TNFRSF11A: variants seen among roughly 807,000 people sequenced by gnomAD.
The protein encoded by TNFRSF11A is tumor necrosis factor receptor superfamily member 11A.
A neutral mutation model predicts 55.7 loss-of-function variants in TNFRSF11A; 32 were observed. The ratio of observed to expected loss-of-function variants is 0.57; its 90% CI spans 0.43 to 0.77. TNFRSF11A has a LOEUF of 0.77. Ranked by LOEUF, TNFRSF11A falls within the 30% of genes least tolerant of loss-of-function variation. The probability of loss-of-function intolerance (pLI) is 0.00; values close to 1 mark genes in which losing one functional copy is unlikely to be tolerated. For missense variants in TNFRSF11A, 753 were observed against 809.8 expected (o/e 0.93, Z 0.85); for synonymous variants, 311 against 331.0 (o/e 0.94, Z 0.65).
intron 1 of TNFRSF11A, among the ~76,000 whole-genome samples, chr18:62,326,824 C>T (rs2046082697): frequency 6.6e-6 from 1 of 152,152 alleles, no homozygotes; most frequent in Non-Finnish European, 1.5e-5. Flanking sequence ...ATTTCCAATT[C>T]TAGGGGAGCG....
At chr18:62,365,054 G>A (rs1168354290) in intron 7 of TNFRSF11A, among the ~76,000 whole-genome samples, 4 of 152,044 alleles carry the variant, frequency 2.6e-5, no homozygotes, top group Non-Finnish European at 5.9e-5. Flanking sequence ...CCTCCCTCCC[G>A]GGCTCAAACA....
intron 1 of TNFRSF11A, among the ~76,000 whole-genome samples, chr18:62,327,779 G>T (rs548052770): frequency 1.3e-5 from 2 of 152,142 alleles, no homozygotes; most frequent in Non-Finnish European, 2.9e-5. Context: ...TATTAAATAG[G>T]TTCAAACTTA....
At chr18:62,349,482 A>G (rs917664546) in intron 2 of TNFRSF11A, among the ~76,000 whole-genome samples, 1 of 152,162 alleles carries the variant, frequency 6.6e-6, no homozygotes, top group Non-Finnish European at 1.5e-5. Flanking sequence ...TGCCTGGCCC[A>G]TCATTCTATT....
intron 9 of TNFRSF11A, among the ~76,000 whole-genome samples, chr18:62,384,343 C>T (rs529417843): frequency 1.4e-5 from 2 of 141,946 alleles, no homozygotes; most frequent in South Asian, 4.9e-4. Flanking sequence ...CCTCCTCTTC[C>T]CCTCCTTTAC....
At chr18:62,340,647 G>T (rs541508906) in intron 1 of TNFRSF11A, among the ~76,000 whole-genome samples, 1 of 151,938 alleles carries the variant, frequency 6.6e-6, no homozygotes, top group South Asian at 2.1e-4. Context: ...CAAGAGCTAT[G>T]TGTAAAATAT....
At chr18:62,342,539 A>G (rs1241441139) in intron 1 of TNFRSF11A, among the ~76,000 whole-genome samples, 1 of 151,202 alleles carries the variant, frequency 6.6e-6, no homozygotes, top group African/African-American at 2.4e-5. Flanking sequence ...ACTCCTGGTT[A>G]TGAATGTTTT....
Position 62,325,453 on chromosome 18 carries a change from C to A in TNFRSF11A, c.75+26C>A. 8.1e-7 allele frequency: 1 copy of A among 1,240,100 alleles called. No homozygotes were observed. Among genetic ancestry groups the A allele is most frequent in the South Asian group, 1.9e-5 (1 of 53,634 alleles). The allele number at this position is 1,240,100 out of a possible 1,614,324, so 76.8% of individuals were successfully genotyped here. ...GTAAGGAGCGCCCGCGCCTGCCGGG[C>A]CGCGCGGCCCGACGCCTCCTCGGGA... is the stretch of plus-strand genomic sequence containing the variant. On this transcript the variant is annotated intron_variant, in intron 1 of 9. Coordinates refer to ENST00000586569, the MANE Select transcript of TNFRSF11A (RefSeq NM_003839.4). This position sits in a 1 kb window ranked among gnomAD's most constrained non-coding sequence, Gnocchi z 4.7.
chr18:62,339,952 A>G (rs756082884), intron 1 of TNFRSF11A, among the ~76,000 whole-genome samples: 1 of 152,010 alleles, frequency 6.6e-6, no homozygotes, highest in Non-Finnish European at 1.5e-5. Context: ...AGTGCTTTTA[A>G]GTTGGAGTTT....
In TNFRSF11A at chr18:62,385,005, G is replaced by T. The variant is rs772167170; in HGVS notation, c.1822G>T (p.Val608Leu). 4.7e-6 allele frequency: 7 copies of T among 1,482,700 alleles called. No homozygotes were observed. The African/African-American group carries it at 8.8e-5, about 19-fold the overall frequency. The allele number at this position is 1,482,700 out of a possible 1,614,324, so 91.8% of individuals were successfully genotyped here. ...GGAGCCGGAGAAGGCCTCGAGGCCG[G>T]TGCAGGAGCAAGGCGGGGCCAAGGC... ...LREPEKASRPVQEQGGAKA is the reference protein window; with the variant it reads ...LREPEKASRPLQEQGGAKA The change falls in exon 10 of 10, where the codon GTG becomes TTG. Residue 608 changes from valine to leucine, a missense_variant. Val to Leu is a conservative substitution (Grantham distance 32). Coordinates refer to ENST00000586569, the MANE Select transcript of TNFRSF11A (RefSeq NM_003839.4).
intron 6 of TNFRSF11A, among the ~76,000 whole-genome samples, chr18:62,360,552 T>C (rs1295405540): frequency 6.6e-6 from 1 of 152,104 alleles, no homozygotes; most frequent in Non-Finnish European, 1.5e-5. Context: ...GTTCAAGCGA[T>C]TCTCCTGCCT....
At chr18:62,376,387 G>T (rs1439964065) in intron 9 of TNFRSF11A, among the ~76,000 whole-genome samples, 2 of 151,756 alleles carry the variant, frequency 1.3e-5, no homozygotes, top group African/African-American at 2.4e-5. Context: ...AGGCAAGAGG[G>T]GAGGGACAAG....
intron 4 of TNFRSF11A, chr18:62,358,022 C>A: frequency 1.8e-6 from 1 of 543,500 alleles, no homozygotes; most frequent in South Asian, 2.0e-5. Context: ...CCTTTCTGAG[C>A]GTGGTTCCAT....
In TNFRSF11A at chr18:62,369,313, C is replaced by T. The variant is rs376539154; in HGVS notation, c.1396C>T (p.Arg466Cys). 3.5e-5 allele frequency: 57 copies of T among 1,610,388 alleles called. No individual in the cohort carries two copies. The East Asian group carries it at 3.6e-4, about 10-fold the overall frequency. ...DCEPLVGSPK[R>C]GPLPQCAYGM... Reference sequence around the variant, plus strand: ...TGAACCCCTCGTGGGTTCCCCAAAACGTGGACCCTTGCCCCAGTGCGCCTA... The same window carrying T: ...TGAACCCCTCGTGGGTTCCCCAAAATGTGGACCCTTGCCCCAGTGCGCCTA... Residue 466 changes from arginine (R) to cysteine (C), a missense_variant, in exon 9 of 10, where the codon CGT becomes TGT. By Grantham distance (180) the Arg-to-Cys change is radical (BLOSUM62 -3). Around this residue, in one of 3 missense-constraint regions of TNFRSF11A, gnomAD observed 567 missense variants for 596.7 expected, o/e 0.95. Coordinates refer to ENST00000586569, the MANE Select transcript of TNFRSF11A (RefSeq NM_003839.4).
At chr18:62,360,434 GATTAA>G (rs1367935657) in intron 6 of TNFRSF11A, among the ~76,000 whole-genome samples, 1 of 147,862 alleles carries the variant, frequency 6.8e-6, no homozygotes, top group Middle Eastern at 3.2e-3. Context: ...TTGTAGATTA[GATTAA>G]ATTAATCTTT....
chr18:62,331,176 C>T (rs1358380844), intron 1 of TNFRSF11A, among the ~76,000 whole-genome samples: 1 of 152,012 alleles, frequency 6.6e-6, no homozygotes, highest in African/African-American at 2.4e-5. Context: ...GCACTCCAGC[C>T]TGGGTGACAG....
At chr18:62,340,676 A>G (rs2046299004) in intron 1 of TNFRSF11A, among the ~76,000 whole-genome samples, 1 of 152,210 alleles carries the variant, frequency 6.6e-6, no homozygotes, top group East Asian at 1.9e-4. Context: ...GAAATGAATT[A>G]TATTTTAAAC....
chr18:62,348,051 C>G (rs1387015550), intron 1 of TNFRSF11A, 117 bp from the exon 2 acceptor site: 3 of 812,850 alleles, frequency 3.7e-6, no homozygotes, highest in Non-Finnish European at 4.0e-6. Context: ...AAGAGCGAAA[C>G]TCCATTCAAA....
chr18:62,340,229 T>G (rs534297899), intron 1 of TNFRSF11A, among the ~76,000 whole-genome samples: 2 of 151,756 alleles, frequency 1.3e-5, no homozygotes, highest in South Asian at 4.2e-4. Flanking sequence ...TCGTTTTGGG[T>G]TTTCTTTGAA....
intron 5 of TNFRSF11A, among the ~76,000 whole-genome samples, chr18:62,358,736 A>G: frequency 6.6e-6 from 1 of 152,150 alleles, no homozygotes; most frequent in East Asian, 1.9e-4. Flanking sequence ...TGTTTATATA[A>G]ATGTTTGCAT....
Sources: gnomAD v4.1 joint callset for allele counts (sites outside exome capture counted in the v4.1 genomes callset) on GRCh38, gnomAD v4.1.1 for gene constraint, gnomAD v4.1.1 regional missense constraint, Gnocchi (gnomAD v3.1) non-coding constraint, MANE v1.5 for transcripts, NCBI Gene and HGNC (gene_info 2026-07-23, HGNC 2026-07-21) for gene names.